PCDH15: variants seen among roughly 807,000 people sequenced by gnomAD.
PCDH15 encodes the protein protocadherin-15.
PCDH15 carries 129 observed loss-of-function variants against 178.5 expected under a neutral mutation model. The ratio of observed to expected loss-of-function variants is 0.72; its 90% CI spans 0.63 to 0.84. PCDH15 has a LOEUF of 0.84. Ranked by LOEUF, PCDH15 falls within the 40% of genes least tolerant of loss-of-function variation. The pLI, the probability that PCDH15 is intolerant of heterozygous loss-of-function variation, is 0.00. For synonymous variants in PCDH15, 800 were observed against 732.0 expected (o/e 1.09, Z -1.50); for missense variants, 2,230 against 2,099.9 (o/e 1.06, Z -1.21).
At chr10:54,577,108 C>G (rs1471343952) in intron 2 of PCDH15, among the ~76,000 whole-genome samples, 1 of 150,118 alleles carries the variant, frequency 6.7e-6, no homozygotes, top group Non-Finnish European at 1.5e-5. Context: ...TTTTTTGAGA[C>G]AGTCTCACTC....
chr10:55,414,456 A>G (rs1838424907), intron 2 of PCDH15, among the ~76,000 whole-genome samples: 1 of 151,588 alleles, frequency 6.6e-6, no homozygotes. Context: ...ATTATTTTGA[A>G]TTTGGATATC....
At chr10:54,723,161 C>T (rs67783146) in intron 1 of PCDH15, among the ~76,000 whole-genome samples, 18,479 of 151,448 alleles carry the variant, frequency 0.12, 1,255 homozygotes, top group African/African-American at 0.17. Context: ...TACTATAAGT[C>T]TATAGTAATT....
chr10:54,089,380 T>C (rs932712731), intron 16 of PCDH15, among the ~76,000 whole-genome samples: 10 of 152,194 alleles, frequency 6.6e-5, no homozygotes, highest in African/African-American at 2.4e-4. Context: ...AACAGCTACC[T>C]TGCTATTGCA....
intron 3 of PCDH15, among the ~76,000 whole-genome samples, chr10:54,419,356 T>G (rs1954917292): frequency 7.8e-6 from 1 of 127,482 alleles, no homozygotes; most frequent in Admixed American, 7.9e-5. Flanking sequence ...TCTTCTTGGC[T>G]TTTCTCCATT....
At chr10:54,654,304 T>C (rs916138923) in intron 2 of PCDH15, among the ~76,000 whole-genome samples, 1 of 152,060 alleles carries the variant, frequency 6.6e-6, no homozygotes, top group Non-Finnish European at 1.5e-5. Flanking sequence ...CAGCCCCTTA[T>C]GGAAAAATAA....
chr10:54,566,881 G>A (rs773137218), intron 2 of PCDH15, among the ~76,000 whole-genome samples: 30 of 152,132 alleles, frequency 2.0e-4, no homozygotes, highest in Non-Finnish European at 3.8e-4. Flanking sequence ...TATAGTAAAA[G>A]CATCTTTAGT....
chr10:53,927,602 A>G (rs1300213336), intron 25 of PCDH15, among the ~76,000 whole-genome samples: 1 of 152,182 alleles, frequency 6.6e-6, no homozygotes, highest in Non-Finnish European at 1.5e-5. Flanking sequence ...ATATTATAAC[A>G]GCGTTTCTTT....
chr10:55,378,264 T>A (rs1837447163), intron 2 of PCDH15, among the ~76,000 whole-genome samples: 1 of 152,028 alleles, frequency 6.6e-6, no homozygotes, highest in Non-Finnish European at 1.5e-5. Flanking sequence ...GAAGTAGACA[T>A]GAAACAAGTC....
intron 1 of PCDH15, among the ~76,000 whole-genome samples, chr10:54,723,373 C>G (rs575882295): frequency 5.9e-5 from 9 of 151,810 alleles, no homozygotes; most frequent in Non-Finnish European, 1.0e-4. Context: ...GGAACCATAT[C>G]TCTCACTGTG....
At chr10:54,155,641 G>A (rs143739350) in intron 13 of PCDH15, among the ~76,000 whole-genome samples, 3 of 151,862 alleles carry the variant, frequency 2.0e-5, no homozygotes, top group African/African-American at 7.2e-5. Context: ...AATCATAATA[G>A]TGTCTTCCAT....
intron 26 of PCDH15, among the ~76,000 whole-genome samples, chr10:53,868,411 T>C (rs867562996): frequency 6.6e-6 from 1 of 152,084 alleles, no homozygotes; most frequent in South Asian, 2.1e-4. Flanking sequence ...CTGAGGAATA[T>C]ATTGTTTTAC....
intron 2 of PCDH15, among the ~76,000 whole-genome samples, chr10:54,961,500 T>C (rs1294182402): frequency 6.6e-6 from 1 of 152,200 alleles, no homozygotes; most frequent in Non-Finnish European, 1.5e-5. Context: ...AGGCTACCAG[T>C]TCTGGAGTGG....
chr10:54,398,511 T>C (rs1951528728), intron 3 of PCDH15, among the ~76,000 whole-genome samples: 1 of 152,024 alleles, frequency 6.6e-6, no homozygotes, highest in African/African-American at 2.4e-5. Flanking sequence ...AAATGAACCA[T>C]GATAAAATCT....
intron 18 of PCDH15, among the ~76,000 whole-genome samples, chr10:54,027,838 A>C (rs28783502): frequency 0.51 from 62,830 of 124,320 alleles, 16,203 homozygotes; most frequent in Middle Eastern, 0.66. Flanking sequence ...CATAAAAACC[A>C]TAGAAGAAAA....
intron 25 of PCDH15, among the ~76,000 whole-genome samples, chr10:53,915,600 T>C (rs575011165): frequency 7.2e-5 from 11 of 152,122 alleles, no homozygotes; most frequent in Non-Finnish European, 1.3e-4. Context: ...CGCTCTGTCA[T>C]CCAGGCTGGA....
At chr10:54,688,330 C>T (rs2095052675) in intron 1 of PCDH15, among the ~76,000 whole-genome samples, 2 of 151,904 alleles carry the variant, frequency 1.3e-5, no homozygotes, top group African/African-American at 4.8e-5. Flanking sequence ...TAGACTTGGG[C>T]TAATCATACT....
At chr10:54,263,451 G>A (rs1263269532) in intron 8 of PCDH15, among the ~76,000 whole-genome samples, 1 of 152,154 alleles carries the variant, frequency 6.6e-6, no homozygotes, top group African/African-American at 2.4e-5. Flanking sequence ...CCTAGAAAGT[G>A]TGCACTGAAA....
chr10:53,838,233 C>T (rs2077426688), intron 29 of PCDH15, among the ~76,000 whole-genome samples: 1 of 151,958 alleles, frequency 6.6e-6, no homozygotes, highest in Admixed American at 6.6e-5. Context: ...CCTCGGCCTC[C>T]CAAAGTGCTG....
rs142124572 is a variant in PCDH15, at chr10:55,355,448, A to G, written c.-155-188797T>C. ...TGTGTGATATTCTCATAAGTATGTG[A>G]TGGTGCCGCAACATGGTTTTAATGC... On this transcript the variant is annotated intron_variant, in intron 2 of 5. Transcript: ENST00000613346. Among the ~76,000 whole-genome samples, 554 of 152,052 alleles carry G rather than the reference A, an allele frequency of 3.6e-3. 2 individuals carry two copies. The highest frequency in any genetic ancestry group is 0.012 in the African/African-American group (502 of 41,526).
Sources: gnomAD v4.1 joint callset for allele counts (sites outside exome capture counted in the v4.1 genomes callset) on GRCh38, gnomAD v4.1.1 for gene constraint, MANE v1.5 for transcripts, NCBI Gene and HGNC (gene_info 2026-07-23, HGNC 2026-07-21) for gene names.